The following UGT8 variants were observed in gnomAD, a reference collection of about 807,000 sequenced individuals.
UGT8 encodes UDP glycosyltransferase 8, also known as 2-hydroxyacylsphingosine 1-beta-galactosyltransferase.
Under a neutral mutation model 40.5 loss-of-function variants are expected in UGT8, and 12 were observed. The ratio of observed to expected loss-of-function variants is 0.30; its 90% CI spans 0.19 to 0.48. The LOEUF (loss-of-function observed/expected upper bound fraction) is 0.48. Among genes scored for constraint, UGT8 ranks in the 20% least tolerant of loss-of-function variants. The pLI, the probability that UGT8 is intolerant of heterozygous loss-of-function variation, is 0.99. For synonymous variants in UGT8, 224 were observed against 240.4 expected (o/e 0.93, Z 0.63); for missense variants, 513 against 648.7 (o/e 0.79, Z 2.27).
chr4:114,650,446 C>T (rs1016606973), intron 2 of UGT8, among the ~76,000 whole-genome samples: 4 of 152,160 alleles, frequency 2.6e-5, no homozygotes, highest in Non-Finnish European at 5.9e-5. Flanking sequence ...TAATGGAACA[C>T]TAGCCATAAG....
At chr4:114,665,243 A>C (rs920907230) in intron 3 of UGT8, 6 of 291,092 alleles carry the variant, frequency 2.1e-5, no homozygotes. Context: ...TTTTTTCAAT[A>C]CTTCTGCCTT....
chr4:114,677,240 T>G lies in UGT8; in HGVS notation c.*952T>G, dbSNP rs1419563210. 5.9e-5 allele frequency: 9 copies of G among 152,226 alleles called. No individual in the cohort carries two copies. The highest frequency in any genetic ancestry group is 1.3e-4 in the Non-Finnish European group (9 of 68,028). 9.4% of individuals were successfully genotyped at this position (152,226 alleles called of 1,614,324 possible). A position where few individuals can be genotyped will look rare whatever the true frequency, so the allele number is the denominator to read the frequency against. On this transcript the variant is annotated 3_prime_UTR_variant, in exon 6 of 6. Transcript: ENST00000310836. Reference sequence around the variant, plus strand: ...ACTGATGGCTTTTCTATAATGTAATTTTTGAATGTTCAGGTGTTACATTTC... The same window carrying G: ...ACTGATGGCTTTTCTATAATGTAATGTTTGAATGTTCAGGTGTTACATTTC...
At chr4:114,620,198 T>C (rs908759262) in intron 1 of UGT8, among the ~76,000 whole-genome samples, 1 of 152,226 alleles carries the variant, frequency 6.6e-6, no homozygotes, top group African/African-American at 2.4e-5. Context: ...GTTTTAACTG[T>C]AACTGAACAG....
At chr4:114,609,354 A>G (rs762025063) in intron 1 of UGT8, among the ~76,000 whole-genome samples, 1 of 152,204 alleles carries the variant, frequency 6.6e-6, no homozygotes, top group Non-Finnish European at 1.5e-5. Flanking sequence ...TGTCTGTTTA[A>G]TTTGCCAGTT....
chr4:114,613,225 A>T (rs1231997394), intron 1 of UGT8, among the ~76,000 whole-genome samples: 1 of 152,144 alleles, frequency 6.6e-6, no homozygotes, highest in East Asian at 1.9e-4. Context: ...CTGTGAGCTA[A>T]CTGAAAAGAT....
intron 1 of UGT8, among the ~76,000 whole-genome samples, chr4:114,606,633 CTG>C (rs1250072369): frequency 6.6e-6 from 1 of 152,092 alleles, no homozygotes; most frequent in Admixed American, 6.6e-5. Context: ...TAATCACTGA[CTG>C]TTGGTTTTGA....
chr4:114,611,546 T>TACAC (rs35800753), intron 1 of UGT8, among the ~76,000 whole-genome samples: 55 of 140,636 alleles, frequency 3.9e-4, no homozygotes, highest in Admixed American at 9.4e-4. Flanking sequence ...TATATATATA[T>TACAC]ACACACACAC....
intron 1 of UGT8, among the ~76,000 whole-genome samples, chr4:114,612,090 T>TTCC (rs1731128640): frequency 6.6e-6 from 1 of 152,202 alleles, no homozygotes; most frequent in African/African-American, 2.4e-5. Flanking sequence ...AAATTTAGTT[T>TTCC]AGATTTTAAA....
chr4:114,600,078 A>G (rs1730352522), intron 1 of UGT8, among the ~76,000 whole-genome samples: 1 of 152,142 alleles, frequency 6.6e-6, no homozygotes, highest in Non-Finnish European at 1.5e-5. Flanking sequence ...AGTTCTGAGA[A>G]CTAACGCGAA....
rs545908895 is a variant in UGT8 at position 114,611,654 on chromosome 4, C to T, written c.-2-11225C>T. On this transcript the variant is annotated intron_variant, in intron 1 of 5. Coordinates refer to ENST00000310836, the MANE Select transcript of UGT8 (RefSeq NM_001128174.3). ...ATACTTGGAAGACATAGATTCTTACCTGTATAATCATAGATACTTGGAAGA... is the reference window on the plus strand; with the variant it reads ...ATACTTGGAAGACATAGATTCTTACTTGTATAATCATAGATACTTGGAAGA... Among the ~76,000 whole-genome samples the T allele has an allele frequency of 1.3e-3, 199 of 149,622 alleles. 2 individuals carry two copies. The highest frequency in any genetic ancestry group is 3.6e-3 in the Middle Eastern group (1 of 280).
chr4:114,623,114 C>G lies in UGT8; in HGVS notation c.234C>G (p.Asn78Lys). Residue 78 changes from asparagine (N) to lysine (K), a missense_variant, in exon 2 of 6, where the codon AAC (asparagine) becomes AAG (lysine). Coordinates refer to ENST00000310836, the MANE Select transcript of UGT8 (RefSeq NM_001128174.3). Reference sequence around the variant, plus strand: ...TCCAGCGCTACCCAGGGATCTTTAACAGTACCACCTCAGATGCTTTCCTAC... The same window carrying G: ...TCCAGCGCTACCCAGGGATCTTTAAGAGTACCACCTCAGATGCTTTCCTAC... Reference protein sequence around the residue: ...YSLQRYPGIFNSTTSDAFLQS... With the variant: ...YSLQRYPGIFKSTTSDAFLQS... 6.2e-7 allele frequency: 1 copy of G among 1,614,152 alleles called. No homozygotes were observed.
chr4:114,639,433 A>T (rs1330937046), intron 2 of UGT8, among the ~76,000 whole-genome samples: 1 of 152,184 alleles, frequency 6.6e-6, no homozygotes, highest in Non-Finnish European at 1.5e-5. Flanking sequence ...TTGGAATGGG[A>T]TTATGTATCC....
chr4:114,659,053 C>G (rs899285141), intron 2 of UGT8, among the ~76,000 whole-genome samples: 4 of 152,066 alleles, frequency 2.6e-5, no homozygotes, highest in South Asian at 2.1e-4. Context: ...TACATTCTTC[C>G]TGTGGTCCAG....
chr4:114,660,613 C>A (rs1486321655), intron 2 of UGT8, among the ~76,000 whole-genome samples: 2 of 151,960 alleles, frequency 1.3e-5, no homozygotes, highest in Non-Finnish European at 2.9e-5. Flanking sequence ...AACTTTTAGG[C>A]TGGGCGTGGT....
At chr4:114,653,406 A>G (rs575224480) in intron 2 of UGT8, among the ~76,000 whole-genome samples, 2 of 152,176 alleles carry the variant, frequency 1.3e-5, no homozygotes, top group South Asian at 4.1e-4. Flanking sequence ...GGAAGGATCT[A>G]TTTGAGTGAT....
chr4:114,665,787 G>A, intron 4 of UGT8, 31 bp downstream of exon 4: 1 of 1,559,316 alleles, frequency 6.4e-7, no homozygotes, highest in Non-Finnish European at 8.7e-7. Flanking sequence ...TACTTACTTG[G>A]CTGTTAGGTT....
rs116749125 is a variant in UGT8, at chr4:114,646,856, A to G, written c.823-17139A>G. Among the ~76,000 whole-genome samples the G allele has an allele frequency of 7.2e-3, 1,098 of 152,334 alleles. 16 individuals carry two copies. The highest frequency in any genetic ancestry group is 0.024 in the African/African-American group (1,017 of 41,572). ...ACTGCCACGTTCATGTTGGAGTCATAGTCCTGCAGAAATGCACTTCCACAA... is the reference window on the plus strand; with the variant it reads ...ACTGCCACGTTCATGTTGGAGTCATGGTCCTGCAGAAATGCACTTCCACAA... On this transcript the variant is annotated intron_variant, in intron 2 of 5. Transcript: ENST00000310836.
intron 2 of UGT8, among the ~76,000 whole-genome samples, chr4:114,647,541 T>A (rs912814989): frequency 5.9e-5 from 9 of 152,086 alleles, no homozygotes; most frequent in Admixed American, 2.0e-4. Context: ...TTTTTTTGTA[T>A]TTTTAGTAGA....
intron 1 of UGT8, among the ~76,000 whole-genome samples, chr4:114,602,089 T>C (rs1435630699): frequency 2.0e-5 from 3 of 152,168 alleles, no homozygotes; most frequent in Admixed American, 6.5e-5. Context: ...TAATGTACCT[T>C]TTATAGAAAA....
Sources: gnomAD v4.1 joint callset for allele counts (sites outside exome capture counted in the v4.1 genomes callset) on GRCh38, gnomAD v4.1.1 for gene constraint, MANE v1.5 for transcripts, NCBI Gene and HGNC (gene_info 2026-07-23, HGNC 2026-07-21) for gene names.